The following PARD3B variants were observed in gnomAD, a reference collection of about 807,000 sequenced individuals.
PARD3B encodes partitioning defective 3 homolog B.
In PARD3B, 103 loss-of-function variants were observed where a neutral mutation model predicts 130.2. That is an observed-to-expected ratio of 0.79 (90% confidence interval 0.67 to 0.93). The LOEUF (loss-of-function observed/expected upper bound fraction) is 0.93, where lower values mean the gene tolerates loss of function less well. Ranked by LOEUF, PARD3B falls within the 40% of genes least tolerant of loss-of-function variation. The pLI is 0.00. For synonymous variants in PARD3B, 583 were observed against 553.2 expected (o/e 1.05, Z -0.76); for missense variants, 1,609 against 1,499.2 (o/e 1.07, Z -1.21).
intron 22 of PARD3B, among the ~76,000 whole-genome samples, chr2:205,607,578 G>A (rs958162848): frequency 6.6e-6 from 1 of 152,168 alleles, no homozygotes. Context: ...CCGTCAAATG[G>A]AGGAAACATT....
chr2:204,867,073 C>CA (rs1202221000), intron 2 of PARD3B, among the ~76,000 whole-genome samples: 2 of 151,420 alleles, frequency 1.3e-5, no homozygotes, highest in Non-Finnish European at 2.9e-5. Flanking sequence ...GACTCTGTCG[C>CA]AAAAAATAAA....
rs2055456547 is a variant in PARD3B, at chr2:205,616,928, T to C, written c.*1115T>C. ...GAGAGAGTATGTGTGTGTGTGTGTATGTGTGTGTTCGAACACATATGATTG... is the reference window on the plus strand; with the variant it reads ...GAGAGAGTATGTGTGTGTGTGTGTACGTGTGTGTTCGAACACATATGATTG... On this transcript the variant is annotated 3_prime_UTR_variant, in exon 23 of 23. Transcript: ENST00000406610. The C allele has an allele frequency of 6.5e-6, 1 of 154,356 alleles. No homozygotes were observed. The highest frequency in any genetic ancestry group is 2.4e-5 in the African/African-American group (1 of 41,512). 9.6% of individuals were successfully genotyped at this position (154,356 alleles called of 1,614,324 possible).
At chr2:204,746,414 C>T (rs1348369175) in intron 2 of PARD3B, among the ~76,000 whole-genome samples, 4 of 151,908 alleles carry the variant, frequency 2.6e-5, no homozygotes, top group Non-Finnish European at 5.9e-5. Context: ...CAAGTCTTTG[C>T]TATTGTGAAT....
intron 1 of PARD3B, among the ~76,000 whole-genome samples, chr2:204,647,857 T>C (rs181192138): frequency 1.6e-4 from 24 of 151,834 alleles, no homozygotes; most frequent in Admixed American, 1.4e-3. Flanking sequence ...ATCTGTTACT[T>C]AAAGGAGATA....
intron 2 of PARD3B, among the ~76,000 whole-genome samples, chr2:204,718,082 G>T (rs2038819516): frequency 6.6e-6 from 1 of 152,086 alleles, no homozygotes; most frequent in South Asian, 2.1e-4. Context: ...AGAAAGGCAC[G>T]TATCATGAGA....
intron 10 of PARD3B, among the ~76,000 whole-genome samples, chr2:205,143,855 T>C (rs904617460): frequency 1.3e-5 from 2 of 152,082 alleles, no homozygotes; most frequent in African/African-American, 4.8e-5. Context: ...GCAATATATG[T>C]GTCAAATAGA....
intron 5 of PARD3B, 92 bp from the exon 6 acceptor site, chr2:205,113,399 T>C: frequency 4.0e-6 from 2 of 494,842 alleles, no homozygotes; most frequent in East Asian, 1.1e-4. Context: ...CAGGGGTGTG[T>C]GTGTGTGTGT....
chr2:205,290,435 T>C (rs1437408416), intron 16 of PARD3B, among the ~76,000 whole-genome samples: 1 of 152,140 alleles, frequency 6.6e-6, no homozygotes, highest in African/African-American at 2.4e-5. Context: ...CCTTGCCAAG[T>C]CAATAGGATG....
intron 3 of PARD3B, among the ~76,000 whole-genome samples, chr2:204,996,330 A>T (rs187929390): frequency 6.6e-6 from 1 of 151,708 alleles, no homozygotes; most frequent in Admixed American, 6.6e-5. Flanking sequence ...GTCTGTTGGA[A>T]TACCCTCCCG....
intron 16 of PARD3B, among the ~76,000 whole-genome samples, chr2:205,285,482 C>A (rs985578304): frequency 1.3e-5 from 2 of 152,090 alleles, no homozygotes; most frequent in African/African-American, 4.8e-5. Flanking sequence ...TTCAGAGGCC[C>A]CTTATTGCCA....
chr2:204,821,506 C>A (rs373361109), intron 2 of PARD3B, among the ~76,000 whole-genome samples: 1 of 135,438 alleles, frequency 7.4e-6, no homozygotes, highest in Non-Finnish European at 1.5e-5. Flanking sequence ...ACAATGAGAA[C>A]GCATGGACAC....
chr2:205,552,675 A>C (rs2052702014), intron 21 of PARD3B, among the ~76,000 whole-genome samples: 1 of 152,124 alleles, frequency 6.6e-6, no homozygotes, highest in South Asian at 2.1e-4. Flanking sequence ...CCTCCGAACA[A>C]AGTGCTGGGA....
intron 2 of PARD3B, among the ~76,000 whole-genome samples, chr2:204,691,906 G>A (rs952840680): frequency 4.6e-5 from 7 of 152,036 alleles, no homozygotes; most frequent in South Asian, 2.1e-4. Flanking sequence ...TATTATTTGC[G>A]AAATGAAAAT....
intron 4 of PARD3B, among the ~76,000 whole-genome samples, chr2:205,100,991 G>T (rs1335415521): frequency 1.3e-5 from 2 of 152,026 alleles, no homozygotes; most frequent in African/African-American, 4.8e-5. Flanking sequence ...TAAATACATT[G>T]GACTTCGTTA....
At chr2:205,462,320 G>A (rs568455688) in intron 20 of PARD3B, among the ~76,000 whole-genome samples, 7 of 152,248 alleles carry the variant, frequency 4.6e-5, no homozygotes, top group African/African-American at 7.2e-5. Context: ...TTGTTTATGC[G>A]CATGTTTGGT....
At chr2:205,370,174 G>A (rs1467124547) in intron 18 of PARD3B, among the ~76,000 whole-genome samples, 1 of 152,202 alleles carries the variant, frequency 6.6e-6, no homozygotes, top group Non-Finnish European at 1.5e-5. Flanking sequence ...ATGATGTAGT[G>A]AAAATAGTAA....
intron 3 of PARD3B, among the ~76,000 whole-genome samples, chr2:204,991,123 T>A (rs1693639319): frequency 6.6e-6 from 1 of 152,166 alleles, no homozygotes; most frequent in African/African-American, 2.4e-5. Context: ...ATGTGCACAT[T>A]GTGCAGGTTA....
chr2:205,536,738 A>G (rs936314389), intron 21 of PARD3B, among the ~76,000 whole-genome samples: 15 of 152,198 alleles, frequency 9.9e-5, no homozygotes, highest in South Asian at 2.1e-4. Context: ...TGTTGGTGCT[A>G]TTTTCCATAC....
chr2:205,454,028 T>A (rs964757147), intron 20 of PARD3B, among the ~76,000 whole-genome samples: 2 of 152,158 alleles, frequency 1.3e-5, no homozygotes, highest in Admixed American at 1.3e-4. Flanking sequence ...GATTCATTCA[T>A]CCCATTAAAA....
Sources: allele counts gnomAD v4.1 joint callset (sites outside exome capture counted in the v4.1 genomes callset), GRCh38; gene constraint gnomAD v4.1.1; transcripts MANE v1.5; gene names NCBI Gene and HGNC (gene_info 2026-07-23, HGNC 2026-07-21).